Variants in ZNF407 observed in about 807,000 individuals in gnomAD.
The protein encoded by ZNF407 is zinc finger protein 407.
ZNF407 carries 17 observed loss-of-function variants against 131.2 expected under a neutral mutation model. That is an observed-to-expected ratio of 0.13 (90% CI 0.09 to 0.19). The LOEUF (loss-of-function observed/expected upper bound fraction) is 0.19. Among genes scored for constraint, ZNF407 ranks in the 10% least tolerant of loss-of-function variants. The pLI is 1.00. For missense variants in ZNF407, 2,681 were observed against 2,830.6 expected, an observed-to-expected ratio of 0.95 and a Z score of 1.20; for synonymous variants, 1,156 against 1,062.0, an observed-to-expected ratio of 1.09 and a Z score of -1.72.
intron 8 of ZNF407, among the ~76,000 whole-genome samples, chr18:75,015,897 A>G (rs1397463845): frequency 6.6e-6 from 1 of 152,042 alleles, no homozygotes; most frequent in Non-Finnish European, 1.5e-5. Context: ...AGAGAGATAT[A>G]AATGCAAGCA....
chr18:74,858,706 T>C (rs1970894503), intron 4 of ZNF407, among the ~76,000 whole-genome samples: 1 of 152,178 alleles, frequency 6.6e-6, no homozygotes, highest in South Asian at 2.1e-4. Context: ...TGTAGTTCTT[T>C]CAAAATTGTT....
intron 3 of ZNF407, among the ~76,000 whole-genome samples, chr18:74,655,899 A>G (rs1985434153): frequency 6.6e-6 from 1 of 152,158 alleles, no homozygotes; most frequent in South Asian, 2.1e-4. Context: ...TTTAAAATCA[A>G]CTGCCAATTT....
chr18:74,878,001 G>T (rs1490773348), intron 5 of ZNF407, among the ~76,000 whole-genome samples: 2 of 152,166 alleles, frequency 1.3e-5, no homozygotes, highest in African/African-American at 2.4e-5. Flanking sequence ...GTAACAGAGG[G>T]TGTGGAATTT....
chr18:74,634,702 T>A lies in ZNF407; in HGVS notation c.3683T>A (p.Val1228Asp), dbSNP rs1484638003. The change falls in exon 2 of 9, where the codon GTC (valine) becomes GAC (aspartate). Residue 1228 changes from valine to aspartate, a missense_variant. Transcript: ENST00000299687. ...EISNDAGELR[V>D]HCEGEGGNAG... ...TCGAATGATGCAGGTGAGCTGCGTG[T>A]CCATTGTGAGGGTGAAGGAGGAAAC... 1.2e-6 allele frequency: 2 copies of A among 1,613,894 alleles called. No homozygotes were observed. The highest frequency in any genetic ancestry group is 4.5e-5 in the East Asian group (2 of 44,898).
intron 7 of ZNF407, among the ~76,000 whole-genome samples, chr18:74,895,879 T>G (rs1971447458): frequency 6.6e-6 from 1 of 152,344 alleles, no homozygotes; most frequent in East Asian, 1.9e-4. Flanking sequence ...TTGGATAATC[T>G]CTTCAGAGAC....
intron 7 of ZNF407, among the ~76,000 whole-genome samples, chr18:74,896,627 GT>G (rs1463842260): frequency 1.3e-5 from 2 of 152,134 alleles, no homozygotes; most frequent in Non-Finnish European, 2.9e-5. Context: ...TTGCGAAACT[GT>G]TTTGTCCTGG....
intron 8 of ZNF407, among the ~76,000 whole-genome samples, chr18:75,016,822 C>G (rs1340511300): frequency 6.6e-6 from 1 of 152,098 alleles, no homozygotes; most frequent in East Asian, 1.9e-4. Flanking sequence ...ATTAATACCT[C>G]TATATTTATC....
chr18:74,799,220 C>T (rs1016746721), intron 4 of ZNF407, among the ~76,000 whole-genome samples: 17 of 152,204 alleles, frequency 1.1e-4, no homozygotes, highest in African/African-American at 3.6e-4. Context: ...AAATTTAGCA[C>T]GGAGGTTTGA....
At chr18:74,888,259 G>C (rs1295749419) in intron 6 of ZNF407, among the ~76,000 whole-genome samples, 1 of 151,884 alleles carries the variant, frequency 6.6e-6, no homozygotes, top group Non-Finnish European at 1.5e-5. Flanking sequence ...ACAGGGGAGT[G>C]AGGTATTCTC....
chr18:74,774,429 GTATT>G (rs1969425762), intron 3 of ZNF407, among the ~76,000 whole-genome samples: 1 of 152,174 alleles, frequency 6.6e-6, no homozygotes, highest in Non-Finnish European at 1.5e-5. Context: ...TGGCAAGTAA[GTATT>G]TATATTGAAG....
chr18:74,919,990 T>C (rs1971824867), intron 7 of ZNF407, among the ~76,000 whole-genome samples: 1 of 152,208 alleles, frequency 6.6e-6, no homozygotes, highest in African/African-American at 2.4e-5. Context: ...CGCCACGGGA[T>C]TCACATGTTG....
chr18:74,976,263 C>T (rs988031939), intron 8 of ZNF407, among the ~76,000 whole-genome samples: 4 of 152,186 alleles, frequency 2.6e-5, no homozygotes, highest in African/African-American at 7.2e-5. Context: ...GAGTAGTTTA[C>T]GTGTTCTGTC....
At chr18:74,784,244 G>T (rs1415875466) in intron 4 of ZNF407, among the ~76,000 whole-genome samples, 1 of 152,170 alleles carries the variant, frequency 6.6e-6, no homozygotes, top group Admixed American at 6.5e-5. Context: ...TTTAAAAAAT[G>T]TTTTTAATTT....
intron 3 of ZNF407, among the ~76,000 whole-genome samples, chr18:74,765,568 G>A (rs1332558759): frequency 5.3e-5 from 8 of 152,218 alleles, no homozygotes; most frequent in African/African-American, 1.9e-4. Flanking sequence ...AAGTCTGGCT[G>A]ATGGGAGCCT....
At chr18:74,722,286 A>G (rs779238079) in intron 3 of ZNF407, among the ~76,000 whole-genome samples, 4 of 152,076 alleles carry the variant, frequency 2.6e-5, no homozygotes, top group Non-Finnish European at 5.9e-5. Flanking sequence ...TCTCCGGCTC[A>G]TTCTTAAAAT....
Position 74,783,486 on chromosome 18 carries a change from G to A in ZNF407, c.4877+1984G>A, listed in dbSNP as rs1183683701. Among the ~76,000 whole-genome samples, 3 of 151,664 alleles carry A rather than the reference G, an allele frequency of 2.0e-5. No homozygotes were observed. In the East Asian group the frequency reaches 5.8e-4, roughly 29 times the overall value. Reference sequence around the variant, plus strand: ...TGTGCATGTATGTATATATGTTCATGTATTAAACACCTTAAAATGCTAGAA... The same window carrying A: ...TGTGCATGTATGTATATATGTTCATATATTAAACACCTTAAAATGCTAGAA... On this transcript the variant is annotated intron_variant, in intron 4 of 8. Transcript: ENST00000299687.
At chr18:74,693,039 G>T (rs1599074118) in intron 3 of ZNF407, among the ~76,000 whole-genome samples, 1 of 152,206 alleles carries the variant, frequency 6.6e-6, no homozygotes, top group South Asian at 2.1e-4. Flanking sequence ...TTGACTGAGT[G>T]CCCTGTACTG....
Position 74,743,630 on chromosome 18 carries a change from GT to G in ZNF407, c.4803-37797del, listed in dbSNP as rs780196248. On this transcript the variant is annotated intron_variant, in intron 3 of 8. Coordinates refer to ENST00000299687, the MANE Select transcript of ZNF407 (RefSeq NM_017757.3). ...TAAGATCTGTGAAGTTCCCTAATTGGTATTCATACAGGTATTTTTAATGGAA... is the reference window on the plus strand; with the variant it reads ...TAAGATCTGTGAAGTTCCCTAATTGGATTCATACAGGTATTTTTAATGGAA... Among the ~76,000 whole-genome samples, 180 of 152,154 alleles carry G rather than the reference GT, an allele frequency of 1.2e-3. 3 individuals are homozygous for G. The highest frequency in any genetic ancestry group is 3.5e-4 in the Non-Finnish European group (24 of 68,002).
intron 3 of ZNF407, among the ~76,000 whole-genome samples, chr18:74,728,272 G>C (rs1375464962): frequency 6.6e-6 from 1 of 152,206 alleles, no homozygotes; most frequent in East Asian, 1.9e-4. Flanking sequence ...GACAATCTCA[G>C]AGTTCAAAGT....
Sources: gnomAD v4.1 joint callset for allele counts (sites outside exome capture counted in the v4.1 genomes callset) on GRCh38, gnomAD v4.1.1 for gene constraint, MANE v1.5 for transcripts, NCBI Gene and HGNC (gene_info 2026-07-23, HGNC 2026-07-21) for gene names.